CNTNAP5: variants seen among roughly 807,000 people sequenced by gnomAD.
CNTNAP5 encodes contactin associated protein family member 5, also known as contactin-associated protein-like 5.
In CNTNAP5, 72 loss-of-function variants were observed where a neutral mutation model predicts 150.2. That is an observed-to-expected ratio of 0.48 (90% confidence interval 0.40 to 0.58). The LOEUF (loss-of-function observed/expected upper bound fraction) is 0.58. Among genes scored for constraint, CNTNAP5 ranks in the 20% least tolerant of loss-of-function variants. CNTNAP5 has a pLI of 0.00. For missense variants in CNTNAP5, 1,636 were observed against 1,626.2 expected (o/e 1.01, Z -0.10); for synonymous variants, 672 against 619.8 (o/e 1.08, Z -1.25).
At chr2:124,589,740 T>C (rs1213094299) in intron 11 of CNTNAP5, among the ~76,000 whole-genome samples, 1 of 152,214 alleles carries the variant, frequency 6.6e-6, no homozygotes, top group Non-Finnish European at 1.5e-5. Flanking sequence ...TCAGATTGTA[T>C]CCTTTTTACG....
At chr2:124,518,544 C>A (rs1403553486) in intron 8 of CNTNAP5, among the ~76,000 whole-genome samples, 2 of 152,068 alleles carry the variant, frequency 1.3e-5, no homozygotes, top group African/African-American at 4.8e-5. Flanking sequence ...TATGGAATTG[C>A]CCTATGACTG....
intron 12 of CNTNAP5, among the ~76,000 whole-genome samples, chr2:124,618,266 A>T (rs534431071): frequency 7.6e-4 from 114 of 150,920 alleles, no homozygotes; most frequent in African/African-American, 1.2e-3. Flanking sequence ...GAAAAAAATT[A>T]AAAAAAAAGA....
chr2:124,623,503 G>A (rs1677659273), intron 12 of CNTNAP5, among the ~76,000 whole-genome samples: 1 of 152,124 alleles, frequency 6.6e-6, no homozygotes, highest in African/African-American at 2.4e-5. Context: ...TTACTTTGTG[G>A]GGACATGAGT....
intron 12 of CNTNAP5, 78 bp downstream of exon 12, chr2:124,609,998 G>C (rs1161336871): frequency 2.0e-6 from 3 of 1,474,206 alleles, no homozygotes; most frequent in Non-Finnish European, 2.8e-6. Context: ...ACTGGAGGGG[G>C]ATACCTACGT....
chr2:124,417,717 T>C (rs1691962320), intron 4 of CNTNAP5, 127 bp downstream of exon 4: 1 of 905,688 alleles, frequency 1.1e-6, no homozygotes, highest in African/African-American at 1.7e-5. Context: ...TTCATATGCA[T>C]ATTTAAAAAT....
At chr2:124,254,412 C>G (rs1292386308) in intron 3 of CNTNAP5, among the ~76,000 whole-genome samples, 1 of 152,190 alleles carries the variant, frequency 6.6e-6, no homozygotes, top group African/African-American at 2.4e-5. Flanking sequence ...GGCAGTCTCC[C>G]TTTCGTGGCT....
At chr2:124,322,837 C>A (rs1024087682) in intron 3 of CNTNAP5, among the ~76,000 whole-genome samples, 1 of 152,164 alleles carries the variant, frequency 6.6e-6, no homozygotes, top group Admixed American at 6.5e-5. Context: ...TACTTGCAGT[C>A]CTCATGCTGC....
At chr2:124,364,714 T>C (rs1038565200) in intron 3 of CNTNAP5, among the ~76,000 whole-genome samples, 2 of 152,222 alleles carry the variant, frequency 1.3e-5, no homozygotes, top group African/African-American at 4.8e-5. Flanking sequence ...TTTCCTGAGA[T>C]AGAATTCCTT....
At chr2:124,460,930 GA>G (rs1235315296) in intron 6 of CNTNAP5, among the ~76,000 whole-genome samples, 1 of 151,654 alleles carries the variant, frequency 6.6e-6, no homozygotes, top group African/African-American at 2.4e-5. Flanking sequence ...AAAATAAACT[GA>G]AAAAAATAAA....
intron 1 of CNTNAP5, among the ~76,000 whole-genome samples, chr2:124,176,647 G>C (rs1199251306): frequency 6.6e-6 from 1 of 152,068 alleles, no homozygotes; most frequent in Non-Finnish European, 1.5e-5. Context: ...TCCAAACTTT[G>C]ATTGGACAAA....
At chr2:124,405,115 G>A (rs1365376993) in intron 3 of CNTNAP5, among the ~76,000 whole-genome samples, 4 of 152,144 alleles carry the variant, frequency 2.6e-5, no homozygotes, top group African/African-American at 9.7e-5. Context: ...ATTCAGAATT[G>A]TAAATGGAAA....
At chr2:124,905,052 A>AAAAG (rs1266466551) in intron 22 of CNTNAP5, among the ~76,000 whole-genome samples, 2 of 148,188 alleles carry the variant, frequency 1.3e-5, no homozygotes, top group African/African-American at 2.4e-5. Context: ...AAAAAAAAAA[A>AAAAG]AAAGAAAGAA....
At chr2:124,810,709 G>A (rs549916429) in intron 19 of CNTNAP5, among the ~76,000 whole-genome samples, 27 of 152,200 alleles carry the variant, frequency 1.8e-4, no homozygotes, top group African/African-American at 5.8e-4. Flanking sequence ...CAGGTATTTC[G>A]GGATAGCAGC....
intron 21 of CNTNAP5, among the ~76,000 whole-genome samples, chr2:124,895,893 A>G (rs1424910800): frequency 1.3e-5 from 2 of 151,562 alleles, no homozygotes; most frequent in African/African-American, 4.9e-5. Context: ...GGCACCTGAA[A>G]AAAAGGAGCC....
At chr2:124,819,723 C>A (rs1210254347) in intron 19 of CNTNAP5, among the ~76,000 whole-genome samples, 1 of 152,056 alleles carries the variant, frequency 6.6e-6, no homozygotes, top group African/African-American at 2.4e-5. Flanking sequence ...AAAGGAGGTC[C>A]AGGAAGCCAG....
chr2:124,418,904 G>A (rs1178319191), intron 4 of CNTNAP5, among the ~76,000 whole-genome samples: 4 of 151,702 alleles, frequency 2.6e-5, no homozygotes, highest in African/African-American at 9.7e-5. Flanking sequence ...GGAGGCCGAG[G>A]CGGGTGGATC....
intron 11 of CNTNAP5, among the ~76,000 whole-genome samples, chr2:124,569,391 G>T (rs1470557088): frequency 6.7e-6 from 1 of 149,794 alleles, no homozygotes; most frequent in African/African-American, 2.4e-5. Context: ...CAGATGACTT[G>T]TATTATAGGA....
At chr2:124,164,514 G>C (rs1262642083) in intron 1 of CNTNAP5, among the ~76,000 whole-genome samples, 2 of 152,158 alleles carry the variant, frequency 1.3e-5, no homozygotes. Flanking sequence ...ATCTCTTTGA[G>C]GAAGTGACAT....
intron 14 of CNTNAP5, among the ~76,000 whole-genome samples, chr2:124,750,173 G>A (rs75118793): frequency 0.011 from 1,608 of 152,200 alleles, 10 homozygotes; most frequent in Non-Finnish European, 0.016. Flanking sequence ...ATTTTCTGTG[G>A]CAAGAGACCT....
Sources: gnomAD v4.1 joint callset for allele counts (sites outside exome capture counted in the v4.1 genomes callset) on GRCh38, gnomAD v4.1.1 for gene constraint, MANE v1.5 for transcripts, NCBI Gene and HGNC (gene_info 2026-07-23, HGNC 2026-07-21) for gene names.